Variants in EYS observed in about 807,000 individuals in gnomAD.
The protein encoded by EYS is protein eyes shut homolog.
A neutral mutation model predicts 282.1 loss-of-function variants in EYS; 250 were observed. That is an observed-to-expected ratio of 0.89 (90% confidence interval 0.80 to 0.98). The LOEUF (loss-of-function observed/expected upper bound fraction) is 0.98, where lower values mean the gene tolerates loss of function less well. EYS is among the 50% of genes least tolerant of loss of function. EYS has a pLI of 0.00. For missense variants in EYS, 4,016 were observed against 3,709.0 expected, an observed-to-expected ratio of 1.08 and a Z score of -2.15; for synonymous variants, 1,355 against 1,282.9, an observed-to-expected ratio of 1.06 and a Z score of -1.20.
intron 37 of EYS, among the ~76,000 whole-genome samples, chr6:63,795,320 A>G (rs756274): frequency 0.39 from 59,628 of 152,074 alleles, 12,267 homozygotes; most frequent in African/African-American, 0.51. Context: ...GATTTAGTCT[A>G]GGTGAAGAAG....
At chr6:64,834,359 G>A (rs1765318301) in intron 19 of EYS, among the ~76,000 whole-genome samples, 1 of 151,710 alleles carries the variant, frequency 6.6e-6, no homozygotes, top group Non-Finnish European at 1.5e-5. Flanking sequence ...TTCATTTCTA[G>A]TTGCTACTAT....
chr6:65,044,823 G>A (rs1285010020), intron 13 of EYS, among the ~76,000 whole-genome samples: 1 of 151,660 alleles, frequency 6.6e-6, no homozygotes, highest in Non-Finnish European at 1.5e-5. Flanking sequence ...TCCTTATGTG[G>A]TGTCCTTTCT....
At chr6:64,320,133 C>G (rs897979053) in intron 29 of EYS, among the ~76,000 whole-genome samples, 1 of 151,778 alleles carries the variant, frequency 6.6e-6, no homozygotes, top group Non-Finnish European at 1.5e-5. Flanking sequence ...GATATTGTTC[C>G]ATTGTCTTCT....
intron 37 of EYS, among the ~76,000 whole-genome samples, chr6:63,793,358 T>A (rs988927440): frequency 2.6e-4 from 40 of 152,158 alleles, no homozygotes; most frequent in African/African-American, 9.7e-4. Flanking sequence ...AGAACTGAAA[T>A]AAAGACAGTT....
chr6:64,007,360 T>C (rs753114492), intron 33 of EYS, among the ~76,000 whole-genome samples: 2 of 152,020 alleles, frequency 1.3e-5, no homozygotes, highest in Non-Finnish European at 2.9e-5. Flanking sequence ...TTATCTCTGA[T>C]TGTGTTTGAG....
intron 35 of EYS, among the ~76,000 whole-genome samples, chr6:63,974,027 CTAAATTAA>C (rs1766715466): frequency 6.6e-6 from 1 of 152,082 alleles, no homozygotes; most frequent in Non-Finnish European, 1.5e-5. Context: ...TGTTTTCTTT[CTAAATTAA>C]TCACTTAAAC....
At chr6:63,985,606 G>C (rs1235576025) in intron 34 of EYS, among the ~76,000 whole-genome samples, 1 of 151,620 alleles carries the variant, frequency 6.6e-6, no homozygotes, top group Non-Finnish European at 1.5e-5. Flanking sequence ...GTAGAATTTT[G>C]CTTGGGTAAT....
intron 29 of EYS, among the ~76,000 whole-genome samples, chr6:64,321,496 T>C (rs1770219233): frequency 6.6e-6 from 1 of 151,892 alleles, no homozygotes; most frequent in South Asian, 2.1e-4. Context: ...AGTGATATTA[T>C]GGTGAGTAAA....
intron 5 of EYS, among the ~76,000 whole-genome samples, chr6:65,406,791 C>T (rs1248416751): frequency 1.3e-5 from 2 of 152,048 alleles, no homozygotes; most frequent in African/African-American, 4.8e-5. Flanking sequence ...TCTGGCATAT[C>T]TATTTTTTTC....
intron 15 of EYS, among the ~76,000 whole-genome samples, chr6:64,944,514 G>A (rs1447212768): frequency 6.6e-6 from 1 of 152,038 alleles, no homozygotes; most frequent in African/African-American, 2.4e-5. Context: ...ACAATGCACT[G>A]TGGAAAGCCG....
Position 63,924,434 on chromosome 6 carries a change from G to C in EYS, c.7055+59949C>G, listed in dbSNP as rs566092385. Among the ~76,000 whole-genome samples, 4 of 152,304 alleles carry C rather than the reference G, an allele frequency of 2.6e-5. No homozygotes were observed. In the East Asian group the frequency reaches 7.7e-4, roughly 29 times the overall value. Reference sequence around the variant, plus strand: ...ATGCAAGTGATACACTCTGTGCAAGGATAACTTCTGCATAGTGTTTTAGAG... The same window carrying C: ...ATGCAAGTGATACACTCTGTGCAAGCATAACTTCTGCATAGTGTTTTAGAG... On this transcript the variant is annotated intron_variant, in intron 35 of 42. Transcript: ENST00000503581.
intron 12 of EYS, among the ~76,000 whole-genome samples, chr6:65,197,361 C>A (rs1018026073): frequency 5.3e-5 from 8 of 151,766 alleles, no homozygotes; most frequent in African/African-American, 1.7e-4. Context: ...CAATCTGAGA[C>A]CAGAGTAACT....
At chr6:64,635,901 C>T (rs899354850) in intron 22 of EYS, among the ~76,000 whole-genome samples, 2 of 152,124 alleles carry the variant, frequency 1.3e-5, no homozygotes, top group Non-Finnish European at 2.9e-5. Context: ...AGGAATGGTA[C>T]CAGCTCCTCC....
Position 65,506,460 on chromosome 6 carries a change from C to CTTTTTTTTTTTTTTTTTT in EYS, c.-332-10485_-332-10468dup, listed in dbSNP as rs58326040. On this transcript the variant is annotated intron_variant, in intron 2 of 42. Transcript: ENST00000503581. ...GGTTTACAATATCCTTCCTTCCTTT[C>CTTTTTTTTTTTTTTTTTT]TTTTTTTTTTTTTTTTTTTTTTTTT... Among the ~76,000 whole-genome samples, 27 of 64,888 alleles carry CTTTTTTTTTTTTTTTTTT rather than the reference C, an allele frequency of 4.2e-4. 3 individuals are homozygous for CTTTTTTTTTTTTTTTTTT. Among genetic ancestry groups the CTTTTTTTTTTTTTTTTTT allele is most frequent in the African/African-American group, 6.7e-4 (11 of 16,408 alleles). 42.6% of individuals were successfully genotyped at this position (64,888 alleles called of 152,430 possible). A position where few individuals can be genotyped will look rare whatever the true frequency, so the allele number is the denominator to read the frequency against.
chr6:64,376,418 G>GA (rs994120128), intron 29 of EYS, among the ~76,000 whole-genome samples: 14 of 152,154 alleles, frequency 9.2e-5, no homozygotes, highest in African/African-American at 2.4e-4. Context: ...AAGGACTGGG[G>GA]AAAAATCAGT....
At chr6:63,992,494 C>G (rs1767647982) in intron 34 of EYS, among the ~76,000 whole-genome samples, 2 of 151,486 alleles carry the variant, frequency 1.3e-5, no homozygotes, top group African/African-American at 4.8e-5. Flanking sequence ...TGATTAATAA[C>G]ATAAAGTGTG....
chr6:65,352,513 T>C, intron 9 of EYS, among the ~76,000 whole-genome samples: 1 of 152,034 alleles, frequency 6.6e-6, no homozygotes, highest in Middle Eastern at 3.4e-3. Flanking sequence ...TGAAACTCTA[T>C]AATATAAACA....
intron 26 of EYS, among the ~76,000 whole-genome samples, chr6:64,517,360 T>C (rs996217753): frequency 5.3e-5 from 8 of 151,798 alleles, no homozygotes; most frequent in Non-Finnish European, 1.2e-4. Flanking sequence ...TGGGAAGATT[T>C]TGGTAAATAA....
chr6:64,849,384 G>GA (rs1405078368), intron 19 of EYS, among the ~76,000 whole-genome samples: 2 of 151,920 alleles, frequency 1.3e-5, no homozygotes, highest in African/African-American at 4.8e-5. Flanking sequence ...GTAATGGAGT[G>GA]AAAAAAATAT....
Sources: allele counts gnomAD v4.1 joint callset (sites outside exome capture counted in the v4.1 genomes callset), GRCh38; gene constraint gnomAD v4.1.1; transcripts MANE v1.5; gene names NCBI Gene and HGNC (gene_info 2026-07-23, HGNC 2026-07-21).